The following PRKCH variants were observed in gnomAD, a reference collection of about 807,000 sequenced individuals.
PRKCH encodes the protein protein kinase C eta type.
A neutral mutation model predicts 82.5 loss-of-function variants in PRKCH; 28 were observed. The ratio of observed to expected loss-of-function variants is 0.34; its 90% CI spans 0.25 to 0.47. PRKCH has a LOEUF of 0.47. Ranked by LOEUF, PRKCH falls within the 20% of genes least tolerant of loss-of-function variation. PRKCH has a pLI of 1.00. For missense variants in PRKCH, 705 were observed against 881.8 expected (o/e 0.80, Z 2.54); for synonymous variants, 322 against 327.4 (o/e 0.98, Z 0.18).
chr14:61,363,742 G>A (rs2046260489), intron 1 of PRKCH, among the ~76,000 whole-genome samples: 1 of 151,748 alleles, frequency 6.6e-6, no homozygotes, highest in Admixed American at 6.6e-5. Context: ...AGAACTCTGA[G>A]GATGAAGAAG....
At chr14:61,542,912 T>G (rs1266462694) in intron 12 of PRKCH, among the ~76,000 whole-genome samples, 1 of 152,244 alleles carries the variant, frequency 6.6e-6, no homozygotes, top group African/African-American at 2.4e-5. Flanking sequence ...TCTTGAGGGC[T>G]TTCTTTATGC....
rs2046677447 is a variant in PRKCH at position 61,391,274 on chromosome 14, G to A, written c.413G>A (p.Gly138Glu). ...GKVFVVITLT[G>E]SFTEATLQRD... is the part of the protein sequence containing the mutation. ...GTATTTGTGGTAATAACCCTTACCGGGAGTTTCACTGAAGGTAAGAATGAG... is the reference window on the plus strand; with the variant it reads ...GTATTTGTGGTAATAACCCTTACCGAGAGTTTCACTGAAGGTAAGAATGAG... The change falls in exon 2 of 14, where the codon GGG becomes GAG. Residue 138 changes from glycine to glutamate, a missense_variant. Gly to Glu is a moderately conservative substitution (Grantham distance 98, BLOSUM62 -2). Coordinates refer to ENST00000332981, the MANE Select transcript of PRKCH (RefSeq NM_006255.5). The A allele has an allele frequency of 1.2e-6, 2 of 1,609,952 alleles. No individual in the cohort carries two copies. Among genetic ancestry groups the A allele is most frequent in the East Asian group, 2.2e-5 (1 of 44,700 alleles).
chr14:61,422,144 C>T (rs115441148), intron 2 of PRKCH, among the ~76,000 whole-genome samples: 5,164 of 152,158 alleles, frequency 0.034, 295 homozygotes, highest in African/African-American at 0.12. Flanking sequence ...AGTACAGTGG[C>T]GCAACAATGG....
chr14:61,299,478 G>A (rs1316100637), intron 1 of PRKCH, among the ~76,000 whole-genome samples: 1 of 151,890 alleles, frequency 6.6e-6, no homozygotes, highest in Non-Finnish European at 1.5e-5. Context: ...CAACTTTCAG[G>A]TTTTTTCTAC....
upstream of PRKCH, among the ~76,000 whole-genome samples, chr14:61,318,607 C>A (rs1362343663): frequency 6.6e-6 from 1 of 152,114 alleles, no homozygotes; most frequent in Admixed American, 6.5e-5. Context: ...TCATTCCCTT[C>A]AATCTGTCAT....
chr14:61,336,682 AT>A (rs1471690463), intron 1 of PRKCH, among the ~76,000 whole-genome samples: 8 of 152,298 alleles, frequency 5.3e-5, no homozygotes, highest in African/African-American at 1.9e-4. Flanking sequence ...GCATTAAAAT[AT>A]ATTTTCCTTG....
chr14:61,321,923 G>A lies in PRKCH; in HGVS notation c.-179G>A, dbSNP rs1446809850. The A allele has an allele frequency of 1.7e-6, 1 of 601,172 alleles. No individual in the cohort carries two copies. Among genetic ancestry groups the A allele is most frequent in the Non-Finnish European group, 2.8e-6 (1 of 356,092 alleles). The allele number at this position is 601,172 out of a possible 1,614,324, so 37.2% of individuals were successfully genotyped here. On this transcript the variant is annotated 5_prime_UTR_variant, in exon 1 of 14. Coordinates refer to ENST00000332981, the MANE Select transcript of PRKCH (RefSeq NM_006255.5). This position sits in a 1 kb window ranked among gnomAD's most constrained non-coding sequence, Gnocchi z 4.1. ...TTCCACCTCGGGAGGGAGGGAAGGA[G>A]GGGAGGGAAAAGTCCCACGGAGGAG...
intron 10 of PRKCH, among the ~76,000 whole-genome samples, chr14:61,498,273 A>C (rs1213871175): frequency 6.6e-6 from 1 of 152,172 alleles, no homozygotes; most frequent in African/African-American, 2.4e-5. Flanking sequence ...TGGGCTTCAC[A>C]AAGTGCTGGG....
chr14:61,429,987 T>G (rs1883306575), intron 2 of PRKCH, among the ~76,000 whole-genome samples: 1 of 152,104 alleles, frequency 6.6e-6, no homozygotes, highest in Admixed American at 6.5e-5. Flanking sequence ...TTCTTTACCT[T>G]CAGTCTACAC....
intron 1 of PRKCH, among the ~76,000 whole-genome samples, chr14:61,253,164 G>C (rs2044961948): frequency 6.6e-6 from 1 of 152,160 alleles, no homozygotes; most frequent in African/African-American, 2.4e-5. Flanking sequence ...TGTGGACTGT[G>C]CCATTTCTAC....
intron 1 of PRKCH, chr14:61,278,000 T>C (rs1170867207): frequency 6.6e-6 from 1 of 152,216 alleles, no homozygotes; most frequent in Non-Finnish European, 1.5e-5. Flanking sequence ...AAACATAACC[T>C]TTATTCTCTC....
chr14:61,227,269 G>A (rs574459987), intron 1 of PRKCH, among the ~76,000 whole-genome samples: 21 of 152,308 alleles, frequency 1.4e-4, no homozygotes, highest in African/African-American at 5.1e-4. Flanking sequence ...GGTACAACAG[G>A]AATGACAATA....
At chr14:61,213,220 C>T (rs903105627) in intron 1 of PRKCH, among the ~76,000 whole-genome samples, 1 of 152,212 alleles carries the variant, frequency 6.6e-6, no homozygotes, top group African/African-American at 2.4e-5. Flanking sequence ...GCCTTACCCT[C>T]TCTTCTGTCT....
chr14:61,508,669 CT>C (rs1234346087), intron 10 of PRKCH, among the ~76,000 whole-genome samples: 1 of 152,150 alleles, frequency 6.6e-6, no homozygotes, highest in African/African-American at 2.4e-5. Flanking sequence ...CTGGTCATTT[CT>C]TTCCCAGAAA....
intron 2 of PRKCH, among the ~76,000 whole-genome samples, chr14:61,429,460 T>C (rs1883282847): frequency 6.6e-6 from 1 of 152,222 alleles, no homozygotes; most frequent in African/African-American, 2.4e-5. Flanking sequence ...AAAGAAGGAT[T>C]TGAGGAATTT....
chr14:61,485,404 G>A, intron 9 of PRKCH, 98 bp from the exon 10 acceptor site: 1 of 1,421,732 alleles, frequency 7.0e-7, no homozygotes, highest in Non-Finnish European at 9.6e-7. Context: ...CCACTTGACA[G>A]TGTCCTCTCT....
intron 2 of PRKCH, among the ~76,000 whole-genome samples, chr14:61,429,761 A>G (rs1883295715): frequency 6.6e-6 from 1 of 152,240 alleles, no homozygotes; most frequent in Admixed American, 6.5e-5. Context: ...TGTAATTTGA[A>G]TTATCTTATT....
chr14:61,257,641 ACACACACACG>A (rs2045010505), intron 1 of PRKCH, among the ~76,000 whole-genome samples: 1 of 151,366 alleles, frequency 6.6e-6, no homozygotes, highest in African/African-American at 2.4e-5. Flanking sequence ...CCCCACACAC[ACACACACACG>A]CATACACACA....
At position 61,322,200 on chromosome 14, in the gene PRKCH, C is replaced by T. The variant is rs769218523; in HGVS notation, c.99C>T (p.Leu33=). The T allele has an allele frequency of 6.2e-7, 1 of 1,613,052 alleles. No homozygotes were observed. The highest frequency in any genetic ancestry group is 8.5e-7 in the Non-Finnish European group (1 of 1,179,654). ...CCCGCTGGTCCCTGCGCCACTCGCT[C>T]TTCAAGAAGGGCCACCAGCTGCTGG... The part of the protein sequence containing the change: ...QPTRWSLRHS[L]FKKGHQLLDP... The change falls in exon 1 of 14, where the codon CTC becomes CTT. Residue 33 remains leucine, a synonymous_variant. Transcript: ENST00000332981.
Sources: gnomAD v4.1 joint callset for allele counts (sites outside exome capture counted in the v4.1 genomes callset) on GRCh38, gnomAD v4.1.1 for gene constraint, Gnocchi (gnomAD v3.1) non-coding constraint, MANE v1.5 for transcripts, NCBI Gene and HGNC (gene_info 2026-07-23, HGNC 2026-07-21) for gene names.